UGT1A8: variants seen among roughly 807,000 people sequenced by gnomAD.
The protein encoded by UGT1A8 is UDP-glucuronosyltransferase 1A8.
In UGT1A8, 39 loss-of-function variants were observed where a neutral mutation model predicts 45.3. The observed-to-expected ratio is 0.86, with a 90% confidence interval of 0.67 to 1.12. The LOEUF (loss-of-function observed/expected upper bound fraction) is 1.12. Among genes scored for constraint, UGT1A8 ranks in the 50% most tolerant of loss-of-function variants. The pLI is 0.00. For missense variants in UGT1A8, 719 were observed against 664.9 expected, an observed-to-expected ratio of 1.08 and a Z score of -0.90; for synonymous variants, 275 against 249.2, an observed-to-expected ratio of 1.10 and a Z score of -0.97.
At chr2:233,750,245 C>A (rs1694403636) in intron 1 of UGT1A8, among the ~76,000 whole-genome samples, 1 of 151,900 alleles carries the variant, frequency 6.6e-6, no homozygotes, top group South Asian at 2.1e-4. Context: ...GGAACTGGAA[C>A]AAAGGTCACC....
intron 1 of UGT1A8, chr2:233,760,452 T>A (rs1697451536): frequency 6.2e-7 from 1 of 1,614,194 alleles, no homozygotes; most frequent in Non-Finnish European, 8.5e-7. Flanking sequence ...AGAGGGGACA[T>A]GAAATAGTTG....
intron 1 of UGT1A8, among the ~76,000 whole-genome samples, chr2:233,623,537 C>T (rs1055874608): frequency 6.6e-6 from 1 of 151,994 alleles, no homozygotes; most frequent in Non-Finnish European, 1.5e-5. Context: ...GCATGTCATT[C>T]CATCACCGAA....
At chr2:233,708,161 G>A (rs1416561336) in intron 1 of UGT1A8, among the ~76,000 whole-genome samples, 8 of 152,136 alleles carry the variant, frequency 5.3e-5, no homozygotes, top group Admixed American at 3.9e-4. Flanking sequence ...GGGAGTTGCC[G>A]GAAAATGGAC....
At chr2:233,718,464 C>A (rs2076655519) in intron 1 of UGT1A8, among the ~76,000 whole-genome samples, 1 of 152,218 alleles carries the variant, frequency 6.6e-6, no homozygotes, top group Non-Finnish European at 1.5e-5. Flanking sequence ...CAGACCTCAG[C>A]TGCAGCCTGA....
chr2:233,694,262 A>AC (rs1480202437), intron 1 of UGT1A8, among the ~76,000 whole-genome samples: 9 of 151,410 alleles, frequency 5.9e-5, no homozygotes, highest in Non-Finnish European at 1.2e-4. Context: ...GGACCAGCGA[A>AC]CTACAGCCTG....
At chr2:233,767,333 T>C (rs921656362) in intron 2 of UGT1A8, among the ~76,000 whole-genome samples, 168 bp downstream of exon 2, 5 of 152,208 alleles carry the variant, frequency 3.3e-5, no homozygotes, top group African/African-American at 1.2e-4. Flanking sequence ...GTTGTTGTCA[T>C]TGTTTTCAAT....
intron 1 of UGT1A8, chr2:233,742,002 T>G (rs999682670): frequency 2.6e-5 from 4 of 151,956 alleles, no homozygotes; most frequent in African/African-American, 9.7e-5. Context: ...ACAGATACAC[T>G]TGGCTTTCAT....
intron 1 of UGT1A8, among the ~76,000 whole-genome samples, chr2:233,671,659 T>A (rs6714486): frequency 0.084 from 12,838 of 152,294 alleles, 786 homozygotes; most frequent in African/African-American, 0.17. Flanking sequence ...TAATTCTGCT[T>A]CTAAACTTAA....
chr2:233,755,459 T>A (rs1367046072), intron 1 of UGT1A8: 1 of 283,420 alleles, frequency 3.5e-6, no homozygotes, highest in Non-Finnish European at 6.9e-6. Flanking sequence ...GGACTGGCCC[T>A]GCTCTCTGTG....
chr2:233,753,691 A>T (rs900061019), intron 1 of UGT1A8: 1 of 152,228 alleles, frequency 6.6e-6, no homozygotes, highest in African/African-American at 2.4e-5. Context: ...ACAATATTAC[A>T]GATGCACTTG....
At chr2:233,636,781 A>T (rs1395580094) in intron 1 of UGT1A8, 3 of 1,614,104 alleles carry the variant, frequency 1.9e-6, no homozygotes, top group African/African-American at 2.7e-5. Context: ...GGAAGATCAG[A>T]ACCGGGAATT....
chr2:233,701,749 G>A (rs1406078090), intron 1 of UGT1A8, among the ~76,000 whole-genome samples: 1 of 152,128 alleles, frequency 6.6e-6, no homozygotes, highest in Admixed American at 6.5e-5. Flanking sequence ...TAACTACTGG[G>A]TACATAACGA....
chr2:233,673,335 A>G (rs1289462932), intron 1 of UGT1A8, among the ~76,000 whole-genome samples: 1 of 152,164 alleles, frequency 6.6e-6, no homozygotes. Context: ...TAATAATTGC[A>G]TAAAATACTT....
intron 1 of UGT1A8, among the ~76,000 whole-genome samples, chr2:233,751,602 T>C (rs1694760263): frequency 6.6e-6 from 1 of 152,210 alleles, no homozygotes; most frequent in Non-Finnish European, 1.5e-5. Context: ...GGATGGGACC[T>C]GGTGGGAGGT....
intron 1 of UGT1A8, chr2:233,753,536 C>G (rs1575719144): frequency 6.6e-6 from 1 of 152,188 alleles, no homozygotes. Flanking sequence ...CTCATGCAAA[C>G]TTTTCCTCAG....
In UGT1A8 at chr2:233,719,346, A is replaced by T. The variant is rs45540231; in HGVS notation, c.856-47688A>T. 3.4e-3 allele frequency: 5,483 copies of T among 1,613,810 alleles called. 158 individuals are homozygous for T. The African/African-American group carries it at 0.064, about 19-fold the overall frequency. On this transcript the variant is annotated intron_variant, in intron 1 of 4. Transcript: ENST00000373450. ...TCCTGCTGTGTTTTTTTGGAGGTAC[A>T]TTCCATGTGACTTAGACTTTAAGGG...
At chr2:233,638,975 A>G (rs2073377283) in intron 1 of UGT1A8, among the ~76,000 whole-genome samples, 1 of 152,190 alleles carries the variant, frequency 6.6e-6, no homozygotes, top group Non-Finnish European at 1.5e-5. Context: ...TAATTACAGT[A>G]CCAAGCACCA....
In UGT1A8 at chr2:233,620,916, G is replaced by T. The variant is rs542819714; in HGVS notation, c.855+2354G>T. On this transcript the variant is annotated intron_variant, in intron 1 of 4. Transcript: ENST00000373450. ...AAGATTCAGAGTGTGAGTCTCATCTGCCTGATGAGAAGGAAGCATTACTTA... is the reference window on the plus strand; with the variant it reads ...AAGATTCAGAGTGTGAGTCTCATCTTCCTGATGAGAAGGAAGCATTACTTA... 9.2e-5 allele frequency among the ~76,000 whole-genome samples: 14 copies of T among 152,336 alleles called. No individual in the cohort carries two copies. In the South Asian group the frequency reaches 2.9e-3, roughly 32 times the overall value.
At chr2:233,746,512 G>C (rs992094720) in intron 1 of UGT1A8, among the ~76,000 whole-genome samples, 1 of 151,736 alleles carries the variant, frequency 6.6e-6, no homozygotes, top group Non-Finnish European at 1.5e-5. Context: ...AGCCCCCAAA[G>C]CAAGACCATC....
Sources: allele counts gnomAD v4.1 joint callset (sites outside exome capture counted in the v4.1 genomes callset), GRCh38; gene constraint gnomAD v4.1.1; transcripts MANE v1.5; gene names NCBI Gene and HGNC (gene_info 2026-07-23, HGNC 2026-07-21).